TMEM178B: variants seen among roughly 807,000 people sequenced by gnomAD.
TMEM178B encodes the protein transmembrane protein 178B.
TMEM178B carries 5 observed loss-of-function variants against 31.0 expected under a neutral mutation model. That is an observed-to-expected ratio of 0.16 (90% CI 0.08 to 0.34). TMEM178B has a LOEUF of 0.34. Ranked by LOEUF, TMEM178B falls within the 10% of genes least tolerant of loss-of-function variation. The pLI is 1.00. For synonymous variants in TMEM178B, 164 were observed against 164.0 expected (o/e 1.00, Z 0.00); for missense variants, 275 against 400.3 (o/e 0.69, Z 2.67).
At chr7:141,445,242 C>A (rs1235084623) in intron 3 of TMEM178B, among the ~76,000 whole-genome samples, 1 of 152,134 alleles carries the variant, frequency 6.6e-6, no homozygotes, top group African/African-American at 2.4e-5. Context: ...GTGTGATGAA[C>A]CCCCAGACAC....
chr7:141,187,848 T>C (rs1350045128), intron 1 of TMEM178B, among the ~76,000 whole-genome samples: 1 of 152,252 alleles, frequency 6.6e-6, no homozygotes, highest in Non-Finnish European at 1.5e-5. Flanking sequence ...ATTAGCCCTT[T>C]GTCAGATGAG....
intron 2 of TMEM178B, among the ~76,000 whole-genome samples, chr7:141,358,310 T>C (rs976781922): frequency 6.6e-6 from 1 of 152,206 alleles, no homozygotes. Flanking sequence ...CCCGCTTCTT[T>C]ATTTGCCCAT....
At chr7:141,247,290 G>A (rs1196710372) in intron 2 of TMEM178B, among the ~76,000 whole-genome samples, 1 of 151,904 alleles carries the variant, frequency 6.6e-6, no homozygotes, top group Non-Finnish European at 1.5e-5. Context: ...AGATATAGAT[G>A]TAGATAATTC....
intron 1 of TMEM178B, among the ~76,000 whole-genome samples, chr7:141,209,763 A>T (rs1019772661): frequency 2.0e-5 from 3 of 152,122 alleles, no homozygotes; most frequent in Admixed American, 6.5e-5. Context: ...TTGCTGAGGA[A>T]CTGTCATTTG....
intron 2 of TMEM178B, among the ~76,000 whole-genome samples, chr7:141,378,655 C>A (rs970597960): frequency 2.6e-5 from 4 of 152,198 alleles, no homozygotes; most frequent in African/African-American, 9.7e-5. Flanking sequence ...ACATACTGAC[C>A]TTTGCCAACC....
intron 2 of TMEM178B, among the ~76,000 whole-genome samples, chr7:141,284,323 G>A (rs933794671): frequency 3.9e-5 from 6 of 151,998 alleles, no homozygotes; most frequent in African/African-American, 1.4e-4. Context: ...AGTCCTTACT[G>A]GCTCTTGATA....
At chr7:141,377,894 C>T (rs1800247003) in intron 2 of TMEM178B, among the ~76,000 whole-genome samples, 1 of 152,170 alleles carries the variant, frequency 6.6e-6, no homozygotes, top group African/African-American at 2.4e-5. Context: ...TTACTGTTAA[C>T]ATATTATATA....
intron 1 of TMEM178B, among the ~76,000 whole-genome samples, chr7:141,180,207 G>T (rs556375525): frequency 6.6e-6 from 1 of 152,128 alleles, no homozygotes; most frequent in South Asian, 2.1e-4. Flanking sequence ...CAGGCCAGGC[G>T]TGGTGGCTCA....
intron 1 of TMEM178B, among the ~76,000 whole-genome samples, chr7:141,169,504 A>T (rs1796315456): frequency 6.6e-6 from 1 of 152,190 alleles, no homozygotes; most frequent in Non-Finnish European, 1.5e-5. Flanking sequence ...TTCACAATGA[A>T]TGTACGTGTG....
At chr7:141,206,167 G>A (rs1400162777) in intron 1 of TMEM178B, among the ~76,000 whole-genome samples, 1 of 152,208 alleles carries the variant, frequency 6.6e-6, no homozygotes, top group Non-Finnish European at 1.5e-5. Flanking sequence ...AGTACTTGAT[G>A]TGAGTTGTCA....
In TMEM178B at chr7:141,472,978, G is replaced by A. The variant is rs1379432723; in HGVS notation, c.*2192G>A. ...TTACCGGGGACTCTGGTCAGCTTCTGCAAAAGGTCTCATGTGTGAGTTCCC... is the reference window on the plus strand; with the variant it reads ...TTACCGGGGACTCTGGTCAGCTTCTACAAAAGGTCTCATGTGTGAGTTCCC... On this transcript the variant is annotated 3_prime_UTR_variant, in exon 4 of 4. Transcript: ENST00000565468. The A allele has an allele frequency of 6.6e-6, 1 of 152,220 alleles. No homozygotes were observed. 9.4% of individuals were successfully genotyped at this position (152,220 alleles called of 1,614,324 possible).
intron 1 of TMEM178B, among the ~76,000 whole-genome samples, chr7:141,080,414 A>G (rs974266999): frequency 2.0e-5 from 3 of 152,172 alleles, no homozygotes; most frequent in African/African-American, 7.2e-5. Context: ...AGGTCAAGAG[A>G]TTGAGACCAT....
At chr7:141,117,082 A>G (rs2129175864) in intron 1 of TMEM178B, among the ~76,000 whole-genome samples, 1 of 152,306 alleles carries the variant, frequency 6.6e-6, no homozygotes, top group East Asian at 1.9e-4. Context: ...TCCTTGAGGA[A>G]TCACCACACT....
At chr7:141,202,952 G>T (rs577416908) in intron 1 of TMEM178B, among the ~76,000 whole-genome samples, 11 of 152,246 alleles carry the variant, frequency 7.2e-5, no homozygotes, top group African/African-American at 2.6e-4. Flanking sequence ...GAATATTCCT[G>T]GTTTGCTTCC....
intron 2 of TMEM178B, among the ~76,000 whole-genome samples, chr7:141,409,817 G>A (rs762164121): frequency 2.0e-5 from 3 of 151,304 alleles, no homozygotes; most frequent in Middle Eastern, 3.4e-3. Context: ...GCAGATGATC[G>A]TCCCTGCTGG....
intron 2 of TMEM178B, among the ~76,000 whole-genome samples, chr7:141,240,728 C>CAA (rs1436275903): frequency 6.6e-6 from 1 of 152,216 alleles, no homozygotes; most frequent in African/African-American, 2.4e-5. Flanking sequence ...CAGCTGTGTG[C>CAA]ACTGTTTTGC....
At chr7:141,323,346 T>C (rs1195182211) in intron 2 of TMEM178B, among the ~76,000 whole-genome samples, 1 of 152,244 alleles carries the variant, frequency 6.6e-6, no homozygotes. Flanking sequence ...TGGAGTTTTA[T>C]AATAAACATA....
chr7:141,273,284 T>C (rs1798214762), intron 2 of TMEM178B, among the ~76,000 whole-genome samples: 1 of 152,166 alleles, frequency 6.6e-6, no homozygotes, highest in Non-Finnish European at 1.5e-5. Flanking sequence ...GATGAACAAG[T>C]TCTGGGGAGC....
At chr7:141,296,052 T>G (rs1798627198) in intron 2 of TMEM178B, among the ~76,000 whole-genome samples, 1 of 151,800 alleles carries the variant, frequency 6.6e-6, no homozygotes, top group South Asian at 2.1e-4. Flanking sequence ...ATGTTTGCAC[T>G]GCAGCCAAAG....
Sources: gnomAD v4.1 joint callset for allele counts (sites outside exome capture counted in the v4.1 genomes callset) on GRCh38, gnomAD v4.1.1 for gene constraint, MANE v1.5 for transcripts, NCBI Gene and HGNC (gene_info 2026-07-23, HGNC 2026-07-21) for gene names.